ADAM22: variants seen among roughly 807,000 people sequenced by gnomAD.
ADAM22 encodes the protein disintegrin and metalloproteinase domain-containing protein 22.
A neutral mutation model predicts 144.6 loss-of-function variants in ADAM22; 65 were observed. That is an observed-to-expected ratio of 0.45 (90% CI 0.37 to 0.55). The LOEUF (loss-of-function observed/expected upper bound fraction) is 0.55. ADAM22 is among the 20% of genes least tolerant of loss of function. The probability of loss-of-function intolerance (pLI) is 0.00; values close to 1 mark genes in which losing one functional copy is unlikely to be tolerated. For missense variants in ADAM22, 974 were observed against 1,184.9 expected (o/e 0.82, Z 2.61); for synonymous variants, 391 against 412.6 (o/e 0.95, Z 0.63).
At chr7:88,034,237 G>T (rs1800972102) in intron 3 of ADAM22, among the ~76,000 whole-genome samples, 1 of 152,106 alleles carries the variant, frequency 6.6e-6, no homozygotes, top group Non-Finnish European at 1.5e-5. Flanking sequence ...AGGGCCCAAA[G>T]GCTCTATATT....
chr7:88,049,130 G>A (rs7807366), intron 3 of ADAM22, among the ~76,000 whole-genome samples: 5,794 of 152,208 alleles, frequency 0.038, 345 homozygotes, highest in African/African-American at 0.13. Flanking sequence ...AGAATGGCCT[G>A]CTGGTTGTTC....
At chr7:88,027,202 A>T (rs1313934855) in intron 3 of ADAM22, among the ~76,000 whole-genome samples, 1 of 151,956 alleles carries the variant, frequency 6.6e-6, no homozygotes, top group Non-Finnish European at 1.5e-5. Flanking sequence ...TTTTTTTGAC[A>T]CATTTTTGTC....
At chr7:88,134,462 CTATT>C (rs765735766) in intron 13 of ADAM22, 43 bp downstream of exon 13, 14 of 1,427,572 alleles carry the variant, frequency 9.8e-6, no homozygotes, top group Admixed American at 8.5e-5. Flanking sequence ...TTAAAATAGA[CTATT>C]TGTGAAATAT....
intron 4 of ADAM22, among the ~76,000 whole-genome samples, chr7:88,081,801 A>G: frequency 6.9e-6 from 1 of 144,350 alleles, no homozygotes; most frequent in Admixed American, 7.2e-5. Context: ...GACCTCTTCA[A>G]GGAGAACTAC....
chr7:88,080,138 C>G (rs1004908276), intron 4 of ADAM22, among the ~76,000 whole-genome samples: 79 of 152,296 alleles, frequency 5.2e-4, no homozygotes, highest in African/African-American at 1.8e-3. Flanking sequence ...GAAATTATAA[C>G]AAACTGTCTC....
intron 2 of ADAM22, among the ~76,000 whole-genome samples, chr7:87,953,588 T>C (rs1845804843): frequency 6.6e-6 from 1 of 152,144 alleles, no homozygotes; most frequent in African/African-American, 2.4e-5. Context: ...GGAATAGGTG[T>C]GGTGTGGTGC....
intron 3 of ADAM22, among the ~76,000 whole-genome samples, chr7:88,022,622 T>A (rs1000964061): frequency 6.6e-6 from 1 of 152,180 alleles, no homozygotes; most frequent in Non-Finnish European, 1.5e-5. Flanking sequence ...TTTTGGTGTA[T>A]GAAATTTAAT....
At chr7:88,071,116 G>GA (rs1173160551) in intron 3 of ADAM22, among the ~76,000 whole-genome samples, 2 of 152,124 alleles carry the variant, frequency 1.3e-5, no homozygotes, top group Non-Finnish European at 2.9e-5. Context: ...AAGTACAGTG[G>GA]AAAGAGGGGT....
intron 4 of ADAM22, among the ~76,000 whole-genome samples, chr7:88,099,753 A>G (rs1157404222): frequency 2.0e-5 from 3 of 152,200 alleles, no homozygotes; most frequent in South Asian, 4.1e-4. Context: ...GTTAAAGTCT[A>G]GGAAGTATTC....
chr7:88,077,480 G>A (rs546764743), intron 4 of ADAM22, among the ~76,000 whole-genome samples: 1 of 152,308 alleles, frequency 6.6e-6, no homozygotes, highest in African/African-American at 2.4e-5. Flanking sequence ...TCACTGGGGA[G>A]TGCTGGACAG....
In ADAM22 at chr7:88,193,168, A is replaced by G; in HGVS notation, c.2803A>G (p.Ser935Gly). Reference sequence around the variant, plus strand: ...TTCATCAACTGGGTCTATTGCCTCCAGCAGAAAATACCCTTACCCAATGCC... The same window carrying G: ...TTCATCAACTGGGTCTATTGCCTCCGGCAGAAAATACCCTTACCCAATGCC... ...PSSSTGSIASSRKYPYPMPPL... is the reference protein window; with the variant it reads ...PSSSTGSIASGRKYPYPMPPL... Residue 935 changes from serine to glycine, a missense_variant, in exon 31 of 32, where the codon AGC (serine) becomes GGC (glycine). Ser to Gly is a moderately conservative substitution (Grantham distance 56). Coordinates refer to ENST00000413139, the MANE Select transcript of ADAM22 (RefSeq NM_001324418.2). 6.2e-7 allele frequency: 1 copy of G among 1,614,136 alleles called. No individual in the cohort carries two copies. The highest frequency in any genetic ancestry group is 8.5e-7 in the Non-Finnish European group (1 of 1,179,984).
At chr7:88,049,862 T>TACG (rs1554428903) in intron 3 of ADAM22, among the ~76,000 whole-genome samples, 6 of 151,462 alleles carry the variant, frequency 4.0e-5, no homozygotes, top group Admixed American at 6.6e-5. Flanking sequence ...ATTGATGAAA[T>TACG]ATATTATTTT....
In ADAM22 at chr7:88,012,702, G is replaced by A. The variant is rs190329549; in HGVS notation, c.323+34290G>A. ...TGTGCTGGTAAGGTATGGAGGAAGA[G>A]CAAGTGTTCTATAATTTAATGATTA... On this transcript the variant is annotated intron_variant, in intron 3 of 31. Transcript: ENST00000413139. Among the ~76,000 whole-genome samples, 8 of 152,298 alleles carry A rather than the reference G, an allele frequency of 5.3e-5. No homozygotes were observed. The East Asian group carries it at 9.7e-4, about 18-fold the overall frequency.
chr7:88,149,856 G>A (rs1837801211), intron 18 of ADAM22, among the ~76,000 whole-genome samples: 2 of 152,170 alleles, frequency 1.3e-5, no homozygotes, highest in Admixed American at 6.5e-5. Context: ...AAAAACCTTA[G>A]GAGTAGTTTG....
chr7:88,190,309 T>A (rs113693228), intron 30 of ADAM22, among the ~76,000 whole-genome samples: 4 of 151,938 alleles, frequency 2.6e-5, no homozygotes, highest in African/African-American at 9.7e-5. Context: ...CCGAGATGGG[T>A]GGATCATTTG....
intron 26 of ADAM22, 31 bp downstream of exon 26, chr7:88,171,592 C>T (rs1166888082): frequency 6.4e-7 from 1 of 1,557,118 alleles, no homozygotes; most frequent in Non-Finnish European, 8.6e-7. Context: ...GAACATAAAA[C>T]TGAAAGGTTT....
chr7:87,958,119 G>A (rs909669971), intron 2 of ADAM22, among the ~76,000 whole-genome samples: 2 of 151,860 alleles, frequency 1.3e-5, no homozygotes, highest in African/African-American at 2.4e-5. Flanking sequence ...TATTTATAGC[G>A]TATTTATTCT....
intron 15 of ADAM22, among the ~76,000 whole-genome samples, chr7:88,143,664 G>A (rs1161072050): frequency 6.6e-6 from 1 of 152,212 alleles, no homozygotes; most frequent in Non-Finnish European, 1.5e-5. Flanking sequence ...TCTGGTTACT[G>A]ACTAGAAAGA....
chr7:87,934,926 C>T (rs1176201867), intron 1 of ADAM22, 100 bp from the exon 2 acceptor site: 6 of 1,530,000 alleles, frequency 3.9e-6, no homozygotes, highest in African/African-American at 1.4e-5. Flanking sequence ...TGGGGATTTT[C>T]GTAGGGGAGA....
Sources: gnomAD v4.1 joint callset for allele counts (sites outside exome capture counted in the v4.1 genomes callset) on GRCh38, gnomAD v4.1.1 for gene constraint, MANE v1.5 for transcripts, NCBI Gene and HGNC (gene_info 2026-07-23, HGNC 2026-07-21) for gene names.